Variants in PCDHA7 observed in about 807,000 individuals in gnomAD.
PCDHA7 encodes protocadherin alpha-7.
A neutral mutation model predicts 57.2 loss-of-function variants in PCDHA7; 37 were observed. That is an observed-to-expected ratio of 0.65 (90% CI 0.50 to 0.85). PCDHA7 has a LOEUF of 0.85. Among genes scored for constraint, PCDHA7 ranks in the 40% least tolerant of loss-of-function variants. The pLI is 0.00. For synonymous variants in PCDHA7, 553 were observed against 558.8 expected, an observed-to-expected ratio of 0.99 and a Z score of 0.15; for missense variants, 1,188 against 1,241.8, an observed-to-expected ratio of 0.96 and a Z score of 0.65.
chr5:140,870,704 T>A, intron 1 of PCDHA7: 1 of 1,612,984 alleles, frequency 6.2e-7, no homozygotes, highest in East Asian at 2.2e-5. Flanking sequence ...CAGTTCCAGG[T>A]GAGCGCGCGC....
chr5:140,937,317 G>C (rs1282380622), intron 1 of PCDHA7, among the ~76,000 whole-genome samples: 1 of 152,048 alleles, frequency 6.6e-6, no homozygotes, highest in Non-Finnish European at 1.5e-5. Context: ...GATTACAGGC[G>C]TGAGCCACCG....
At chr5:140,895,206 AT>A (rs2064913908) in intron 1 of PCDHA7, among the ~76,000 whole-genome samples, 1 of 151,808 alleles carries the variant, frequency 6.6e-6, no homozygotes, top group Non-Finnish European at 1.5e-5. Flanking sequence ...ATTTGCTTTT[AT>A]TTCTAATATT....
At chr5:140,925,176 A>G (rs187925786) in intron 1 of PCDHA7, among the ~76,000 whole-genome samples, 2 of 152,236 alleles carry the variant, frequency 1.3e-5, no homozygotes, top group African/African-American at 2.4e-5. Context: ...ATTGACCCCA[A>G]TGTACCATCA....
chr5:140,836,991 C>T, intron 1 of PCDHA7: 3 of 347,628 alleles, frequency 8.6e-6, no homozygotes, highest in African/African-American at 2.1e-5. Context: ...GAGGACTTTG[C>T]TAACTGGAGC....
intron 1 of PCDHA7, among the ~76,000 whole-genome samples, chr5:140,899,418 C>T (rs552409062): frequency 1.3e-5 from 2 of 152,254 alleles, no homozygotes; most frequent in African/African-American, 4.8e-5. Context: ...TGAATTTTGT[C>T]AAAGGTCTTT....
At chr5:140,999,088 G>T (rs1429141341) in intron 3 of PCDHA7, among the ~76,000 whole-genome samples, 1 of 152,156 alleles carries the variant, frequency 6.6e-6, no homozygotes, top group Non-Finnish European at 1.5e-5. Context: ...TCCTTCAGAG[G>T]GCTATGGAGA....
rs1554181708 is a variant in PCDHA7, at chr5:140,884,544, G to C, written c.2355+47806G>C. 1.9e-6 allele frequency: 3 copies of C among 1,614,222 alleles called. No individual in the cohort carries two copies. In the Admixed American group the frequency reaches 5.0e-5, roughly 27 times the overall value. On this transcript the variant is annotated intron_variant, in intron 1 of 3. Coordinates refer to ENST00000525929, the MANE Select transcript of PCDHA7 (RefSeq NM_018910.3). Reference sequence around the variant, plus strand: ...TCGCAGCAGAGGCGGCCGAGGGTGTGCTCTGGGGAGGGCCCGCATAAGACG... The same window carrying C: ...TCGCAGCAGAGGCGGCCGAGGGTGTCCTCTGGGGAGGGCCCGCATAAGACG...
intron 1 of PCDHA7, chr5:140,877,538 C>T: frequency 1.2e-6 from 2 of 1,613,776 alleles, no homozygotes; most frequent in Non-Finnish European, 1.7e-6. Context: ...GCTGTGGATC[C>T]CGAAGCGGCT....
intron 1 of PCDHA7, among the ~76,000 whole-genome samples, chr5:140,937,959 T>C (rs1344033743): frequency 5.3e-5 from 8 of 152,142 alleles, no homozygotes; most frequent in African/African-American, 1.9e-4. Context: ...TTGTTGAAAG[T>C]ATATAGAAAT....
intron 1 of PCDHA7, among the ~76,000 whole-genome samples, chr5:140,839,882 T>G (rs2150166870): frequency 6.6e-6 from 1 of 152,128 alleles, no homozygotes; most frequent in South Asian, 2.1e-4. Context: ...ATGAATAGAA[T>G]TTTGACAGAA....
rs141054640 is a variant in PCDHA7 at position 140,849,634 on chromosome 5, A to G, written c.2355+12896A>G. The G allele has an allele frequency of 6.8e-4, 1,094 of 1,598,766 alleles. 107 individuals are homozygous for G. Among genetic ancestry groups the G allele is most frequent in the South Asian group, 1.2e-3 (106 of 90,564 alleles). On this transcript the variant is annotated intron_variant, in intron 1 of 3. Coordinates refer to ENST00000525929, the MANE Select transcript of PCDHA7 (RefSeq NM_018910.3). Reference sequence around the variant, plus strand: ...ATTAGTGTGATCGACCTAGACGCAGATGCCAACGGGCAGGTTACCTGCTCC... The same window carrying G: ...ATTAGTGTGATCGACCTAGACGCAGGTGCCAACGGGCAGGTTACCTGCTCC...
At chr5:140,959,541 C>T (rs2095493793) in intron 1 of PCDHA7, among the ~76,000 whole-genome samples, 1 of 152,002 alleles carries the variant, frequency 6.6e-6, no homozygotes, top group Non-Finnish European at 1.5e-5. Flanking sequence ...TTCAGAGATG[C>T]TGTATAAATA....
intron 3 of PCDHA7, among the ~76,000 whole-genome samples, chr5:140,998,401 CA>C (rs2097811473): frequency 6.6e-6 from 1 of 152,108 alleles, no homozygotes; most frequent in African/African-American, 2.4e-5. Context: ...ATCTTTATGC[CA>C]AAGTTTATCT....
chr5:140,876,511 G>A lies in PCDHA7; in HGVS notation c.2355+39773G>A, dbSNP rs559810221. 2.4e-4 allele frequency: 380 copies of A among 1,614,076 alleles called. 4 individuals carry two copies. The South Asian group carries it at 3.9e-3, about 16-fold the overall frequency. ...GGAAGTTCTGGACGTGAATGACAATGTCCCTGAAGTAATGGTTACTTCACT... is the reference window on the plus strand; with the variant it reads ...GGAAGTTCTGGACGTGAATGACAATATCCCTGAAGTAATGGTTACTTCACT... On this transcript the variant is annotated intron_variant, in intron 1 of 3. Coordinates refer to ENST00000525929, the MANE Select transcript of PCDHA7 (RefSeq NM_018910.3).
chr5:140,882,153 A>C (rs1197738298), intron 1 of PCDHA7: 8 of 1,505,202 alleles, frequency 5.3e-6, no homozygotes, highest in Non-Finnish European at 7.1e-6. Flanking sequence ...CAGAAAGCGG[A>C]ATACCTCTTG....
Position 140,857,899 on chromosome 5 carries a change from A to G in PCDHA7, c.2355+21161A>G. On this transcript the variant is annotated intron_variant, in intron 1 of 3. Transcript: ENST00000525929. ...AATTGCAGTCGGCGGCGGTTGGTGC[A>G]CGCATCCCGTTTCGCGTGGGGCTGT... 7 of 1,597,716 alleles carry G rather than the reference A, an allele frequency of 4.4e-6. 1 individual carries two copies. The highest frequency in any genetic ancestry group is 6.0e-6 in the Non-Finnish European group (7 of 1,167,490).
At chr5:140,943,386 A>G (rs1245126281) in intron 1 of PCDHA7, among the ~76,000 whole-genome samples, 2 of 152,154 alleles carry the variant, frequency 1.3e-5, no homozygotes, top group African/African-American at 4.8e-5. Flanking sequence ...CAGGTAAGAA[A>G]TTATGGATAT....
At chr5:140,854,296 G>T in intron 1 of PCDHA7, 4 of 437,926 alleles carry the variant, frequency 9.1e-6, no homozygotes, top group Non-Finnish European at 1.2e-5. Context: ...TTATTATTTT[G>T]TGCGTGGAGA....
intron 1 of PCDHA7, chr5:140,863,859 G>A (rs1448688968): frequency 1.7e-5 from 3 of 176,552 alleles, no homozygotes; most frequent in African/African-American, 4.8e-5. Flanking sequence ...AAATTAGCTG[G>A]GTGTGGTGGT....
Sources: allele counts gnomAD v4.1 joint callset (sites outside exome capture counted in the v4.1 genomes callset), GRCh38; gene constraint gnomAD v4.1.1; transcripts MANE v1.5; gene names NCBI Gene and HGNC (gene_info 2026-07-23, HGNC 2026-07-21).